The following NRXN3 variants were observed in gnomAD, a reference collection of about 807,000 sequenced individuals.
The protein encoded by NRXN3 is neurexin III.
Under a neutral mutation model 137.6 loss-of-function variants are expected in NRXN3, and 32 were observed. The ratio of observed to expected loss-of-function variants is 0.23; its 90% CI spans 0.18 to 0.31. NRXN3 has a LOEUF of 0.31. Ranked by LOEUF, NRXN3 falls within the 10% of genes least tolerant of loss-of-function variation. The pLI is 1.00. For synonymous variants in NRXN3, 798 were observed against 784.5 expected, an observed-to-expected ratio of 1.02 and a Z score of -0.29; for missense variants, 1,574 against 2,062.5, an observed-to-expected ratio of 0.76 and a Z score of 4.59.
rs949355347 is a variant in NRXN3, at chr14:78,644,255, A to G, written c.758-865A>G. Among the ~76,000 whole-genome samples the G allele has an allele frequency of 2.0e-5, 3 of 152,272 alleles. No homozygotes were observed. In the East Asian group the frequency reaches 5.8e-4, roughly 29 times the overall value. Reference sequence around the variant, plus strand: ...TAAGGCTTTTTGGGTGGGCAATTACAGGGTCCCAGTCTATGAAATATTGTC... The same window carrying G: ...TAAGGCTTTTTGGGTGGGCAATTACGGGGTCCCAGTCTATGAAATATTGTC... On this transcript the variant is annotated intron_variant, in intron 4 of 20. Transcript: ENST00000335750.
intron 1 of NRXN3, among the ~76,000 whole-genome samples, chr14:78,242,063 T>C (rs1160803890): frequency 6.6e-6 from 1 of 152,232 alleles, no homozygotes; most frequent in African/African-American, 2.4e-5. Context: ...TTTGAATATA[T>C]AAAATGTTAG....
intron 4 of NRXN3, among the ~76,000 whole-genome samples, chr14:78,451,582 C>T (rs1272316495): frequency 6.6e-6 from 1 of 152,222 alleles, no homozygotes; most frequent in African/African-American, 2.4e-5. Context: ...TCTATACTCC[C>T]TTCCCGTATA....
intron 10 of NRXN3, among the ~76,000 whole-genome samples, chr14:78,813,094 A>G (rs976047152): frequency 2.0e-5 from 3 of 152,224 alleles, no homozygotes; most frequent in African/African-American, 4.8e-5. Context: ...AACCAAGTTG[A>G]TATATTATGC....
chr14:79,023,979 T>A (rs768525918), intron 15 of NRXN3, among the ~76,000 whole-genome samples: 26 of 152,122 alleles, frequency 1.7e-4, no homozygotes, highest in Non-Finnish European at 3.2e-4. Context: ...TATGTTCCTT[T>A]TATTTATTTT....
chr14:78,711,681 T>TC (rs1277355933), intron 7 of NRXN3, among the ~76,000 whole-genome samples: 2 of 152,184 alleles, frequency 1.3e-5, no homozygotes, highest in Admixed American at 6.5e-5. Flanking sequence ...CCTCAGATGA[T>TC]CAACCCATCT....
chr14:78,250,236 A>C (rs200633664), intron 2 of NRXN3: 3 of 352,646 alleles, frequency 8.5e-6, no homozygotes, highest in East Asian at 1.7e-4. Context: ...CTCTCAGTGA[A>C]ACAGGAATCA....
intron 19 of NRXN3, among the ~76,000 whole-genome samples, chr14:79,704,761 A>T (rs1259213273): frequency 6.6e-6 from 1 of 152,000 alleles, no homozygotes. Context: ...CCTCTTAGAG[A>T]ATAATTTGGG....
At position 79,689,368 on chromosome 14, in the gene NRXN3, C is replaced by T. The variant is rs10133089; in HGVS notation, c.3617-2805C>T. On this transcript the variant is annotated intron_variant, in intron 17 of 20. Coordinates refer to ENST00000335750, the MANE Select transcript of NRXN3 (RefSeq NM_001330195.2). ...AGCAAATGAGGCATGGGGCAAATAA[C>T]TCATTCTCATGCACATGTTTCTAAA... Among the ~76,000 whole-genome samples the T allele has an allele frequency of 8.5e-3, 1,301 of 152,194 alleles. 22 individuals carry two copies. Among genetic ancestry groups the T allele is most frequent in the African/African-American group, 0.03 (1,238 of 41,560 alleles).
chr14:79,102,262 C>T (rs1055449446), intron 15 of NRXN3, among the ~76,000 whole-genome samples: 2 of 152,132 alleles, frequency 1.3e-5, no homozygotes, highest in East Asian at 1.9e-4. Context: ...AACCTAATTC[C>T]CCTCTGTTGA....
intron 15 of NRXN3, among the ~76,000 whole-genome samples, chr14:79,351,676 T>G (rs1344207185): frequency 6.6e-6 from 1 of 152,202 alleles, no homozygotes; most frequent in Non-Finnish European, 1.5e-5. Flanking sequence ...TAGCTATAGC[T>G]TTAATAACGT....
intron 2 of NRXN3, among the ~76,000 whole-genome samples, chr14:78,254,240 A>G (rs528045131): frequency 5.9e-5 from 9 of 152,276 alleles, no homozygotes; most frequent in Non-Finnish European, 1.0e-4. Flanking sequence ...GCACTGTGAA[A>G]GATTCATGGT....
intron 15 of NRXN3, among the ~76,000 whole-genome samples, chr14:79,167,281 T>G (rs925848776): frequency 1.3e-5 from 2 of 152,066 alleles, no homozygotes; most frequent in Non-Finnish European, 2.9e-5. Flanking sequence ...TGGAAACCAG[T>G]GACCACTGAC....
At chr14:78,251,279 A>G (rs2068583767) in intron 2 of NRXN3, among the ~76,000 whole-genome samples, 1 of 152,230 alleles carries the variant, frequency 6.6e-6, no homozygotes, top group Non-Finnish European at 1.5e-5. Context: ...CATGTAAAAA[A>G]AAACAATCTT....
intron 8 of NRXN3, among the ~76,000 whole-genome samples, chr14:78,753,545 AT>A (rs142665551): frequency 6.6e-6 from 1 of 151,954 alleles, no homozygotes; most frequent in Non-Finnish European, 1.5e-5. Context: ...GCCCAGTAGC[AT>A]TTTTTTTATG....
At chr14:78,935,823 G>T (rs2099336385) in intron 10 of NRXN3, among the ~76,000 whole-genome samples, 1 of 152,118 alleles carries the variant, frequency 6.6e-6, no homozygotes, top group Non-Finnish European at 1.5e-5. Flanking sequence ...TTCCAGGCTG[G>T]AAAAGTGTAA....
chr14:79,378,258 C>T (rs2094363874), intron 15 of NRXN3, among the ~76,000 whole-genome samples: 1 of 152,160 alleles, frequency 6.6e-6, no homozygotes. Flanking sequence ...ATGTTGATGA[C>T]TCTGGCACAC....
rs1422354219 is a variant in NRXN3 at position 78,926,901 on chromosome 14, A to T, written c.2276-30341A>T. Among the ~76,000 whole-genome samples, 16 of 26,846 alleles carry T rather than the reference A, an allele frequency of 6.0e-4. 3 individuals carry two copies. The highest frequency in any genetic ancestry group is 4.6e-3 in the African/African-American group (14 of 3,074). 17.6% of individuals were successfully genotyped at this position (26,846 alleles called of 152,430 possible). A position where few individuals can be genotyped will look rare whatever the true frequency, so the allele number is the denominator to read the frequency against. ...TATAATATATTTATATATATATATAATATATATAATATATATATAATATAT... is the reference window on the plus strand; with the variant it reads ...TATAATATATTTATATATATATATATTATATATAATATATATATAATATAT... On this transcript the variant is annotated intron_variant, in intron 10 of 20. Transcript: ENST00000335750.
chr14:78,636,302 AGGCCTTCTTCCAT>A (rs1220096059), intron 4 of NRXN3, among the ~76,000 whole-genome samples: 1 of 152,142 alleles, frequency 6.6e-6, no homozygotes, highest in Non-Finnish European at 1.5e-5. Flanking sequence ...AGAAAACTGC[AGGCCTTCTTCCAT>A]AAGGGCAGAG....
At chr14:79,736,795 G>A (rs1199925440) in intron 19 of NRXN3, among the ~76,000 whole-genome samples, 1 of 152,176 alleles carries the variant, frequency 6.6e-6, no homozygotes, top group Non-Finnish European at 1.5e-5. Context: ...AGCAAGTCTA[G>A]CAGACATGCA....
Sources: allele counts gnomAD v4.1 joint callset (sites outside exome capture counted in the v4.1 genomes callset), GRCh38; gene constraint gnomAD v4.1.1; transcripts MANE v1.5; gene names NCBI Gene and HGNC (gene_info 2026-07-23, HGNC 2026-07-21).